DPP6: variants seen among roughly 807,000 people sequenced by gnomAD.
DPP6 encodes the protein A-type potassium channel modulatory protein DPP6.
Under a neutral mutation model 122.6 loss-of-function variants are expected in DPP6, and 69 were observed. The ratio of observed to expected loss-of-function variants is 0.56; its 90% CI spans 0.46 to 0.69. The LOEUF (loss-of-function observed/expected upper bound fraction) is 0.69. DPP6 is among the 30% of genes least tolerant of loss of function. The probability of loss-of-function intolerance (pLI) is 0.00; values close to 1 mark genes in which losing one functional copy is unlikely to be tolerated. For synonymous variants in DPP6, 418 were observed against 433.1 expected (o/e 0.97, Z 0.43); for missense variants, 928 against 1,116.9 (o/e 0.83, Z 2.41).
At chr7:154,167,387 A>ATTTC (rs1302758524) in intron 1 of DPP6, among the ~76,000 whole-genome samples, 2 of 152,220 alleles carry the variant, frequency 1.3e-5, no homozygotes, top group Admixed American at 1.3e-4. Flanking sequence ...ATACAGAGCT[A>ATTTC]TAGGTGCTGG....
At chr7:154,530,843 T>A (rs894011131) in intron 3 of DPP6, among the ~76,000 whole-genome samples, 1 of 152,114 alleles carries the variant, frequency 6.6e-6, no homozygotes, top group Admixed American at 6.5e-5. Flanking sequence ...CATGTTTTCT[T>A]CAGGGACATG....
At chr7:154,078,409 A>C (rs1212142318) in intron 1 of DPP6, among the ~76,000 whole-genome samples, 1 of 152,020 alleles carries the variant, frequency 6.6e-6, no homozygotes, top group East Asian at 1.9e-4. Context: ...GCATTGCTAG[A>C]CTCACATATA....
At chr7:154,599,827 A>G (rs1833328591) in intron 5 of DPP6, among the ~76,000 whole-genome samples, 1 of 151,972 alleles carries the variant, frequency 6.6e-6, no homozygotes, top group South Asian at 2.1e-4. Flanking sequence ...AGCTTCATCT[A>G]TGTCCCTTCT....
intron 1 of DPP6, among the ~76,000 whole-genome samples, chr7:153,974,654 C>G (rs1054318986): frequency 2.6e-5 from 4 of 152,200 alleles, no homozygotes; most frequent in African/African-American, 9.6e-5. Context: ...TCACTGACTC[C>G]AACACAGGGC....
intron 14 of DPP6, among the ~76,000 whole-genome samples, chr7:154,804,279 G>C (rs1798560696): frequency 6.6e-6 from 1 of 152,344 alleles, no homozygotes; most frequent in South Asian, 2.1e-4. Flanking sequence ...GTGCTTTACA[G>C]ACATTATCTC....
intron 1 of DPP6, among the ~76,000 whole-genome samples, chr7:154,103,467 C>T (rs948564139): frequency 1.3e-5 from 2 of 152,296 alleles, no homozygotes; most frequent in East Asian, 3.9e-4. Context: ...CTTGGCCTTG[C>T]AGGGCACCAC....
intron 7 of DPP6, among the ~76,000 whole-genome samples, chr7:154,679,389 T>C (rs1839142209): frequency 6.6e-6 from 1 of 152,134 alleles, no homozygotes; most frequent in South Asian, 2.1e-4. Flanking sequence ...ATGTTTCTTA[T>C]AAGAAGCTGG....
intron 1 of DPP6, among the ~76,000 whole-genome samples, chr7:154,203,045 C>T (rs961652179): frequency 2.6e-5 from 4 of 152,064 alleles, no homozygotes; most frequent in Non-Finnish European, 5.9e-5. Context: ...CTGATTTTGC[C>T]GCTTACTAGG....
At chr7:154,037,563 ATGAAT>A (rs1414251497) in intron 1 of DPP6, among the ~76,000 whole-genome samples, 1 of 139,886 alleles carries the variant, frequency 7.1e-6, no homozygotes. Context: ...TATATAAGAA[ATGAAT>A]TAATTTCAAA....
chr7:154,135,725 A>G (rs55773704), intron 1 of DPP6, among the ~76,000 whole-genome samples: 226 of 138,696 alleles, frequency 1.6e-3, no homozygotes, highest in African/African-American at 5.5e-3. Context: ...CTTTCTCTCT[A>G]TGCACTTATT....
At chr7:154,402,894 G>A (rs1815759942) in intron 1 of DPP6, among the ~76,000 whole-genome samples, 1 of 152,136 alleles carries the variant, frequency 6.6e-6, no homozygotes, top group South Asian at 2.1e-4. Context: ...CTTAAATAAA[G>A]TAGAAAAGAT....
the DPP6 span, among the ~76,000 whole-genome samples, chr7:153,848,293 G>T: frequency 2.7e-5 from 1 of 36,648 alleles, no homozygotes; most frequent in African/African-American, 1.1e-4. Flanking sequence ...CCCGCTCCCC[G>T]AGAGAGCAGT....
intron 1 of DPP6, among the ~76,000 whole-genome samples, chr7:154,261,223 C>A (rs186657852): frequency 7.7e-4 from 117 of 152,270 alleles, no homozygotes; most frequent in African/African-American, 2.6e-3. Context: ...GGAATCTCCA[C>A]ACTGTTTTCC....
chr7:154,219,278 A>G (rs796331064), intron 1 of DPP6, among the ~76,000 whole-genome samples: 8 of 152,306 alleles, frequency 5.3e-5, no homozygotes, highest in East Asian at 1.9e-4. Context: ...ATCTCCAAGG[A>G]TAAGATTCCA....
intron 17 of DPP6, among the ~76,000 whole-genome samples, chr7:154,856,893 C>T (rs140150460): frequency 2.6e-5 from 4 of 152,334 alleles, no homozygotes; most frequent in African/African-American, 9.6e-5. Flanking sequence ...CCTGTACTCC[C>T]TTCTTCTCTG....
Position 154,038,087 on chromosome 7 carries a change from T to A in DPP6, c.51+150353T>A, listed in dbSNP as rs919743314. On this transcript the variant is annotated intron_variant, in intron 1 of 25. Transcript: ENST00000404039. ...TCAGAGAAAGATTCTCTAAACTGAT[T>A]TCAGCAGTTCTTACATATAATAGAA... is the stretch of plus-strand genomic sequence containing the variant. Among the ~76,000 whole-genome samples the A allele has an allele frequency of 1.4e-4, 20 of 146,424 alleles. 3 individuals are homozygous for A. The highest frequency in any genetic ancestry group is 5.1e-4 in the African/African-American group (19 of 37,132).
At chr7:154,779,064 C>A (rs1796823502) in intron 10 of DPP6, among the ~76,000 whole-genome samples, 1 of 68,760 alleles carries the variant, frequency 1.5e-5, no homozygotes, top group Non-Finnish European at 3.2e-5. Context: ...ACCATCACCA[C>A]CATCACCTCC....
chr7:154,535,714 A>T (rs544114166), intron 3 of DPP6, among the ~76,000 whole-genome samples: 1 of 152,216 alleles, frequency 6.6e-6, no homozygotes, highest in South Asian at 2.1e-4. Context: ...AGTGGACAAA[A>T]TTTTTCAAGA....
chr7:154,072,477 C>G (rs1484791121), intron 1 of DPP6, among the ~76,000 whole-genome samples: 6 of 152,120 alleles, frequency 3.9e-5, no homozygotes, highest in Admixed American at 1.3e-4. Flanking sequence ...AGAAAGCTCC[C>G]TGATTGTGCA....
Sources: gnomAD v4.1 joint callset for allele counts (sites outside exome capture counted in the v4.1 genomes callset) on GRCh38, gnomAD v4.1.1 for gene constraint, MANE v1.5 for transcripts, NCBI Gene and HGNC (gene_info 2026-07-23, HGNC 2026-07-21) for gene names.